The following SLC39A14 variants were observed in gnomAD, a reference collection of about 807,000 sequenced individuals.
SLC39A14 encodes metal cation symporter ZIP14.
A neutral mutation model predicts 45.5 loss-of-function variants in SLC39A14; 19 were observed. The ratio of observed to expected loss-of-function variants is 0.42; its 90% confidence interval spans 0.29 to 0.61. SLC39A14 has a LOEUF of 0.61. SLC39A14 is among the 20% of genes least tolerant of loss of function. The pLI is 0.22. For synonymous variants in SLC39A14, 264 were observed against 251.3 expected (o/e 1.05, Z -0.48); for missense variants, 447 against 616.5 (o/e 0.73, Z 2.91).
intron 1 of SLC39A14, chr8:22,398,938 G>A (rs1308663196): frequency 6.3e-6 from 1 of 159,680 alleles, no homozygotes. Flanking sequence ...CTTAGACACA[G>A]AAGGAGGGCA....
intron 3 of SLC39A14, among the ~76,000 whole-genome samples, chr8:22,409,363 T>C (rs1835426317): frequency 6.6e-6 from 1 of 150,440 alleles, no homozygotes; most frequent in African/African-American, 2.4e-5. Context: ...GTTATTTACT[T>C]GTATGGCTTT....
chr8:22,425,534 CTT>C (rs34521121), downstream of SLC39A14, among the ~76,000 whole-genome samples: 5 of 144,518 alleles, frequency 3.5e-5, no homozygotes, highest in East Asian at 2.0e-4. Flanking sequence ...TTTCGGCTGA[CTT>C]TTTTTTTTTT....
At chr8:22,423,548 G>C (rs1407152179), downstream of SLC39A14, among the ~76,000 whole-genome samples, 1 of 152,048 alleles carries the variant, frequency 6.6e-6, no homozygotes, top group African/African-American at 2.4e-5. Context: ...TGTTAGCCAG[G>C]ATGGTCTCGA....
In SLC39A14 at chr8:22,419,747, G is replaced by A. The variant is rs946151964; in HGVS notation, c.*49G>A. On this transcript the variant is annotated 3_prime_UTR_variant, in exon 9 of 9. Coordinates refer to ENST00000381237, the MANE Select transcript of SLC39A14 (RefSeq NM_001128431.4). ...CTGGAAGTCGGGCCCTGGGCTGCCCGATCGCCAGCCCGAGGACTTACCATC... is the reference window on the plus strand; with the variant it reads ...CTGGAAGTCGGGCCCTGGGCTGCCCAATCGCCAGCCCGAGGACTTACCATC... 1.1e-5 allele frequency: 17 copies of A among 1,521,682 alleles called. No individual in the cohort carries two copies. The highest frequency in any genetic ancestry group is 5.6e-5 in the African/African-American group (4 of 71,758). The allele number at this position is 1,521,682 out of a possible 1,614,324, so 94.3% of individuals were successfully genotyped here. A position where few individuals can be genotyped will look rare whatever the true frequency, so the allele number is the denominator to read the frequency against.
At chr8:22,383,379 C>T (rs1011876855) in intron 1 of SLC39A14, among the ~76,000 whole-genome samples, 33 of 152,184 alleles carry the variant, frequency 2.2e-4, no homozygotes, top group Non-Finnish European at 4.9e-4. Context: ...TACTGGGCTG[C>T]TGTCCTGGAG....
At chr8:22,418,452 T>A (rs1437352556) in intron 8 of SLC39A14, among the ~76,000 whole-genome samples, 1 of 152,160 alleles carries the variant, frequency 6.6e-6, no homozygotes, top group Non-Finnish European at 1.5e-5. Flanking sequence ...TTACGCATAA[T>A]CATACATCAT....
chr8:22,400,374 A>G (rs1834788092), intron 1 of SLC39A14, among the ~76,000 whole-genome samples: 1 of 152,192 alleles, frequency 6.6e-6, no homozygotes, highest in Non-Finnish European at 1.5e-5. Flanking sequence ...CAATCGGTAA[A>G]TGCTAGCTGC....
At chr8:22,379,794 TGG>T in intron 1 of SLC39A14, among the ~76,000 whole-genome samples, 1 of 150,916 alleles carries the variant, frequency 6.6e-6, no homozygotes, top group Admixed American at 6.6e-5. Context: ...CTGGGGGTGG[TGG>T]GGTGTGCCTG....
intron 4 of SLC39A14, 121 bp from the exon 5 acceptor site, chr8:22,414,659 G>A: frequency 9.6e-7 from 1 of 1,044,934 alleles, no homozygotes; most frequent in Admixed American, 2.6e-5. Context: ...GTAGACGGCA[G>A]AGTTACTCCA....
intron 1 of SLC39A14, among the ~76,000 whole-genome samples, chr8:22,375,630 C>T (rs560738398): frequency 2.0e-5 from 3 of 152,226 alleles, no homozygotes; most frequent in East Asian, 3.9e-4. Context: ...GCTGGGATTA[C>T]AGGCATGCAC....
chr8:22,433,187 G>A (rs1267777783), intron 8 of SLC39A14, among the ~76,000 whole-genome samples: 1 of 152,086 alleles, frequency 6.6e-6, no homozygotes, highest in African/African-American at 2.4e-5. Flanking sequence ...ACACCACCAA[G>A]TGATGGCTAC....
chr8:22,408,503 C>T lies in SLC39A14; in HGVS notation c.457+7C>T. On this transcript the variant is annotated splice_region_variant and intron_variant, in intron 3 of 8. Transcript: ENST00000381237. ...CGGCCAAGCGCTGTTGAAGGTGAGCCAGGCCAGGAAGGCAGGAGCCCATCT... is the reference window on the plus strand; with the variant it reads ...CGGCCAAGCGCTGTTGAAGGTGAGCTAGGCCAGGAAGGCAGGAGCCCATCT... The T allele has an allele frequency of 1.2e-6, 2 of 1,609,742 alleles. No individual in the cohort carries two copies. The highest frequency in any genetic ancestry group is 1.1e-5 in the South Asian group (1 of 90,840).
chr8:22,368,580 ACG>A (rs1311389887), intron 1 of SLC39A14, among the ~76,000 whole-genome samples: 5 of 151,414 alleles, frequency 3.3e-5, no homozygotes, highest in African/African-American at 1.2e-4. Flanking sequence ...TCTGTTGCCC[ACG>A]CAAGAGTGCA....
intron 1 of SLC39A14, among the ~76,000 whole-genome samples, chr8:22,402,345 A>T (rs905793705): frequency 6.6e-6 from 1 of 152,098 alleles, no homozygotes; most frequent in Non-Finnish European, 1.5e-5. Context: ...AGATCTGGCC[A>T]CTGCACTCCA....
rs572694569 is a variant in SLC39A14, at chr8:22,390,071, G to A, written c.-15-14625G>A. On this transcript the variant is annotated intron_variant, in intron 1 of 8. Coordinates refer to ENST00000381237, the MANE Select transcript of SLC39A14 (RefSeq NM_001128431.4). ...TTAGAGCGCTCACTGTGCTCAATAC[G>A]CACATTAATTCTCTTGGCCAGAATC... 7.9e-4 allele frequency: 129 copies of A among 163,786 alleles called. 1 individual carries two copies. The highest frequency in any genetic ancestry group is 2.9e-3 in the African/African-American group (119 of 41,730). 10.1% of individuals were successfully genotyped at this position (163,786 alleles called of 1,614,324 possible).
intron 1 of SLC39A14, among the ~76,000 whole-genome samples, chr8:22,380,037 A>G (rs1195192729): frequency 2.0e-5 from 3 of 152,218 alleles, no homozygotes; most frequent in African/African-American, 4.8e-5. Flanking sequence ...TACCATTTAC[A>G]TTGTATTCAA....
At chr8:22,430,685 G>T (rs13274867) in intron 8 of SLC39A14, among the ~76,000 whole-genome samples, 47,156 of 151,098 alleles carry the variant, frequency 0.31, 7,595 homozygotes, top group East Asian at 0.5. Context: ...TTTTTTTTTC[G>T]TTTTGGAGAC....
chr8:22,423,812 C>CTCTCTCTCTCTCT (rs1554523073), downstream of SLC39A14, among the ~76,000 whole-genome samples: 48 of 138,880 alleles, frequency 3.5e-4, no homozygotes, highest in Non-Finnish European at 5.2e-4. Flanking sequence ...CTCTCTCTCT[C>CTCTCTCTCTCTCT]ATCTATCTTC....
At chr8:22,417,333 A>G (rs1409958059) in intron 7 of SLC39A14, among the ~76,000 whole-genome samples, 1 of 152,228 alleles carries the variant, frequency 6.6e-6, no homozygotes, top group East Asian at 1.9e-4. Flanking sequence ...TAGGCTGGGT[A>G]TACGGCCAGT....
Sources: gnomAD v4.1 joint callset for allele counts (sites outside exome capture counted in the v4.1 genomes callset) on GRCh38, gnomAD v4.1.1 for gene constraint, MANE v1.5 for transcripts, NCBI Gene and HGNC (gene_info 2026-07-23, HGNC 2026-07-21) for gene names.